CNOT2: variants seen among roughly 807,000 people sequenced by gnomAD.
The protein encoded by CNOT2 is CC chemokine receptor 4-negative regulator of transcription 2.
A neutral mutation model predicts 72.1 loss-of-function variants in CNOT2; 7 were observed. That is an observed-to-expected ratio of 0.10 (90% CI 0.06 to 0.18). The LOEUF (loss-of-function observed/expected upper bound fraction) is 0.18. CNOT2 is among the 10% of genes least tolerant of loss of function. The probability of loss-of-function intolerance (pLI) is 1.00; values close to 1 mark genes in which losing one functional copy is unlikely to be tolerated. For synonymous variants in CNOT2, 196 were observed against 225.6 expected (o/e 0.87, Z 1.17); for missense variants, 345 against 660.3 (o/e 0.52, Z 5.23).
chr12:70,351,351 A>G (rs1450399376), intron 15 of CNOT2, among the ~76,000 whole-genome samples: 1 of 152,138 alleles, frequency 6.6e-6, no homozygotes, highest in Non-Finnish European at 1.5e-5. Flanking sequence ...TGTGTGTAGT[A>G]TGTGTGTGTA....
chr12:70,262,696 T>C (rs942069312), intron 1 of CNOT2, among the ~76,000 whole-genome samples: 3 of 151,752 alleles, frequency 2.0e-5, no homozygotes, highest in Non-Finnish European at 4.4e-5. Context: ...TTTTTTGCGA[T>C]GGAGTCTTTC....
chr12:70,342,538 A>G (rs1881644060), intron 13 of CNOT2, among the ~76,000 whole-genome samples: 1 of 152,212 alleles, frequency 6.6e-6, no homozygotes, highest in Non-Finnish European at 1.5e-5. Context: ...AGAATAAACT[A>G]GATTGGAACA....
chr12:70,337,459 A>G lies in CNOT2; in HGVS notation c.846A>G (p.Ala282=). ...DFSIHNEDFP[A]LPGSSYKDPT... ...CAATACACAATGAAGATTTTCCAGC[A>G]TTACCAGGCTCCAGCTATAAAGATC... is the stretch of plus-strand genomic sequence containing the variant. Residue 282 remains alanine (A), a synonymous_variant, in exon 9 of 16, where the codon GCA becomes GCG. Coordinates refer to ENST00000229195, the MANE Select transcript of CNOT2 (RefSeq NM_014515.7). The G allele has an allele frequency of 6.2e-7, 1 of 1,611,502 alleles. No individual in the cohort carries two copies. Among genetic ancestry groups the G allele is most frequent in the Middle Eastern group, 1.7e-4 (1 of 6,042 alleles).
At chr12:70,343,643 A>G (rs1401584045) in intron 13 of CNOT2, among the ~76,000 whole-genome samples, 21 of 152,320 alleles carry the variant, frequency 1.4e-4, no homozygotes, top group South Asian at 2.1e-4. Flanking sequence ...AGGTGCTTTC[A>G]TATACCTTCA....
intron 11 of CNOT2, among the ~76,000 whole-genome samples, chr12:70,340,542 C>G (rs1391908560): frequency 6.6e-6 from 1 of 152,172 alleles, no homozygotes; most frequent in Admixed American, 6.5e-5. Flanking sequence ...CCAACTTATT[C>G]TGTCTACAGC....
At chr12:70,310,208 A>G (rs537215777) in intron 2 of CNOT2, among the ~76,000 whole-genome samples, 9 of 152,044 alleles carry the variant, frequency 5.9e-5, no homozygotes, top group Non-Finnish European at 1.2e-4. Context: ...AGGTCCTAGA[A>G]CCATTTCTTC....
At chr12:70,344,691 C>T (rs1881937626) in intron 14 of CNOT2, 1 of 152,748 alleles carries the variant, frequency 6.5e-6, no homozygotes, top group Non-Finnish European at 1.5e-5. Context: ...TGTGCCATTG[C>T]ACTCTAGTGT....
Position 70,298,779 on chromosome 12 carries a change from T to A in CNOT2, c.49-12116T>A, listed in dbSNP as rs570549446. On this transcript the variant is annotated intron_variant, in intron 2 of 15. Transcript: ENST00000229195. ...TGAGTAACTGAAGGTATGGCAAGGG[T>A]TTGGTGGTGTCAGGGGACTTAGGAG... Among the ~76,000 whole-genome samples the A allele has an allele frequency of 3.3e-5, 5 of 151,984 alleles. No homozygotes were observed. The East Asian group carries it at 9.7e-4, about 30-fold the overall frequency.
Position 70,283,903 on chromosome 12 carries a change from G to A in CNOT2, c.48+5629G>A, listed in dbSNP as rs181254265. ...ATGTCATGATCACATGATCAGCAACGGAAGTCACTTTGACTTCATGATGTA... is the reference window on the plus strand; with the variant it reads ...ATGTCATGATCACATGATCAGCAACAGAAGTCACTTTGACTTCATGATGTA... On this transcript the variant is annotated intron_variant, in intron 2 of 15. Transcript: ENST00000229195. Among the ~76,000 whole-genome samples, 260 of 150,772 alleles carry A rather than the reference G, an allele frequency of 1.7e-3. 1 individual carries two copies. Among genetic ancestry groups the A allele is most frequent in the Middle Eastern group, 3.5e-3 (1 of 286 alleles).
intron 2 of CNOT2, among the ~76,000 whole-genome samples, chr12:70,296,960 T>C (rs887459650): frequency 5.3e-5 from 8 of 152,174 alleles, no homozygotes; most frequent in African/African-American, 1.2e-4. Flanking sequence ...ATTTGGGCAG[T>C]CTGTGAGATT....
intron 1 of CNOT2, among the ~76,000 whole-genome samples, chr12:70,249,543 TTA>T (rs1386169411): frequency 6.6e-6 from 1 of 151,916 alleles, no homozygotes; most frequent in Non-Finnish European, 1.5e-5. Context: ...TAGCGCTACT[TTA>T]TAGAGAAAAT....
At chr12:70,251,159 G>A (rs980782640) in intron 1 of CNOT2, among the ~76,000 whole-genome samples, 1 of 152,112 alleles carries the variant, frequency 6.6e-6, no homozygotes, top group African/African-American at 2.4e-5. Flanking sequence ...TTCTTGTACA[G>A]TCCAATAAAT....
At chr12:70,264,480 T>A (rs1269554000) in intron 1 of CNOT2, among the ~76,000 whole-genome samples, 1 of 152,224 alleles carries the variant, frequency 6.6e-6, no homozygotes. Flanking sequence ...GGTGGTAGCC[T>A]CTAGTCTTTT....
At chr12:70,292,952 T>G (rs1258368450) in intron 2 of CNOT2, among the ~76,000 whole-genome samples, 1 of 152,214 alleles carries the variant, frequency 6.6e-6, no homozygotes, top group Non-Finnish European at 1.5e-5. Flanking sequence ...AGGATTCTGA[T>G]ACCTCTGTAT....
chr12:70,292,846 T>C (rs1872151478), intron 2 of CNOT2, among the ~76,000 whole-genome samples: 1 of 152,218 alleles, frequency 6.6e-6, no homozygotes, highest in Non-Finnish European at 1.5e-5. Flanking sequence ...ATTGAATTAG[T>C]GTACATGGTG....
chr12:70,309,653 T>A (rs781027301), intron 2 of CNOT2, among the ~76,000 whole-genome samples: 93 of 152,178 alleles, frequency 6.1e-4, no homozygotes, highest in Non-Finnish European at 8.4e-4. Flanking sequence ...GATATCAAAT[T>A]TGAGATGAGT....
intron 1 of CNOT2, among the ~76,000 whole-genome samples, chr12:70,259,825 A>G (rs546177724): frequency 6.6e-6 from 1 of 152,242 alleles, no homozygotes; most frequent in African/African-American, 2.4e-5. Flanking sequence ...CCTCTTCTAG[A>G]TTTTGTATGT....
chr12:70,354,188 T>C lies in CNOT2; in HGVS notation c.*273T>C, dbSNP rs910573131. 3 of 455,590 alleles carry C rather than the reference T, an allele frequency of 6.6e-6. No individual in the cohort carries two copies. Among genetic ancestry groups the C allele is most frequent in the Non-Finnish European group, 1.1e-5 (3 of 282,104 alleles). 28.2% of individuals were successfully genotyped at this position (455,590 alleles called of 1,614,324 possible). A position where few individuals can be genotyped will look rare whatever the true frequency, so the allele number is the denominator to read the frequency against. ...TTTCCTTTTTTGCCAGCAGACAGAC[T>C]TGAGTCTGTAAAGACAAGCAAATAC... On this transcript the variant is annotated 3_prime_UTR_variant, in exon 16 of 16. Coordinates refer to ENST00000229195, the MANE Select transcript of CNOT2 (RefSeq NM_014515.7).
Position 70,288,000 on chromosome 12 carries a change from T to C in CNOT2, c.48+9726T>C, listed in dbSNP as rs577064147. The stretch of plus-strand genomic sequence containing the variant: ...TTGAGGTTGCAGTCCACATAGGCAA[T>C]GTGAATTTATGCTTTTTTGTGGCTA... On this transcript the variant is annotated intron_variant, in intron 2 of 15. Coordinates refer to ENST00000229195, the MANE Select transcript of CNOT2 (RefSeq NM_014515.7). 6.3e-4 allele frequency among the ~76,000 whole-genome samples: 95 copies of C among 149,978 alleles called. 3 individuals carry two copies. Among genetic ancestry groups the C allele is most frequent in the African/African-American group, 2.2e-3 (91 of 41,356 alleles).
Sources: allele counts gnomAD v4.1 joint callset (sites outside exome capture counted in the v4.1 genomes callset), GRCh38; gene constraint gnomAD v4.1.1; transcripts MANE v1.5; gene names NCBI Gene and HGNC (gene_info 2026-07-23, HGNC 2026-07-21).